The following ABCC1 variants were observed in gnomAD, a reference collection of about 807,000 sequenced individuals.
ABCC1 encodes the protein ATP binding cassette subfamily C member 1 (ABCC1 blood group).
ABCC1 carries 83 observed loss-of-function variants against 172.9 expected under a neutral mutation model. The observed-to-expected ratio is 0.48, with a 90% CI of 0.40 to 0.58. The LOEUF (loss-of-function observed/expected upper bound fraction) is 0.58, where lower values mean the gene tolerates loss of function less well. ABCC1 is among the 20% of genes least tolerant of loss of function. The pLI, the probability that ABCC1 is intolerant of heterozygous loss-of-function variation, is 0.00. For synonymous variants in ABCC1, 937 were observed against 825.2 expected (o/e 1.14, Z -2.32); for missense variants, 1,817 against 2,002.7 (o/e 0.91, Z 1.77).
intron 16 of ABCC1, among the ~76,000 whole-genome samples, chr16:16,080,261 A>G (rs1339011202): frequency 6.6e-6 from 1 of 152,118 alleles, no homozygotes; most frequent in Non-Finnish European, 1.5e-5. Context: ...CTGAGTATCT[A>G]TTCTTATAAA....
chr16:16,091,375 C>T (rs2051248265), intron 19 of ABCC1, among the ~76,000 whole-genome samples: 1 of 138,420 alleles, frequency 7.2e-6, no homozygotes, highest in African/African-American at 2.7e-5. Flanking sequence ...CAAGACCAGC[C>T]TGGCCAACAT....
intron 26 of ABCC1, among the ~76,000 whole-genome samples, chr16:16,126,365 CCTT>C (rs1168526270): frequency 1.3e-5 from 2 of 152,136 alleles, no homozygotes; most frequent in Non-Finnish European, 1.5e-5. Flanking sequence ...TCAGAAATAA[CCTT>C]CTGTTATTTG....
chr16:16,102,726 G>T lies in ABCC1; in HGVS notation c.2735+9G>T. 1 of 1,563,380 alleles carries T rather than the reference G, an allele frequency of 6.4e-7. No homozygotes were observed. On this transcript the variant is annotated intron_variant, in intron 20 of 30. Transcript: ENST00000399410. Reference sequence around the variant, plus strand: ...GGGAAGCAACTGCAGAGGTAAGGGCGGGGAGGAAGGCCCCAACCTAAGGAC... The same window carrying T: ...GGGAAGCAACTGCAGAGGTAAGGGCTGGGAGGAAGGCCCCAACCTAAGGAC...
intron 10 of ABCC1, among the ~76,000 whole-genome samples, chr16:16,051,146 C>CT (rs957325262): frequency 8.9e-5 from 13 of 146,852 alleles, no homozygotes; most frequent in South Asian, 2.2e-4. Context: ...TGGGGGCTGT[C>CT]TTTTTTTTTT....
chr16:16,044,387 C>T, intron 7 of ABCC1, 63 bp from the exon 8 acceptor site: 1 of 1,420,020 alleles, frequency 7.0e-7, no homozygotes, highest in Non-Finnish European at 9.9e-7. Flanking sequence ...CTGGCCATGT[C>T]CCTGTGGTAG....
In ABCC1 at chr16:15,961,170, T is replaced by C. The variant is rs987679012; in HGVS notation, c.48+11371T>C. On this transcript the variant is annotated intron_variant, in intron 1 of 30. Transcript: ENST00000399410. ...TGAATCTCAGGTCTTAAAAATTCAG[T>C]TTATTTTGTTTTATGAGTCTCTTCT... is the stretch of plus-strand genomic sequence containing the variant. Among the ~76,000 whole-genome samples the C allele has an allele frequency of 7.9e-5, 12 of 152,034 alleles. No homozygotes were observed. The East Asian group carries it at 2.3e-3, about 29-fold the overall frequency.
At chr16:16,128,033 G>T (rs1045166250) in intron 26 of ABCC1, among the ~76,000 whole-genome samples, 4 of 143,414 alleles carry the variant, frequency 2.8e-5, no homozygotes, top group Admixed American at 7.3e-5. Flanking sequence ...TGATTCTCCT[G>T]CCTCAGCCTC....
chr16:16,048,085 G>C, intron 9 of ABCC1, 57 bp from the exon 10 acceptor site: 2 of 1,589,788 alleles, frequency 1.3e-6, no homozygotes, highest in Non-Finnish European at 1.7e-6. Flanking sequence ...TCTGGAGGGA[G>C]AGTCAGGCCT....
In ABCC1 at chr16:16,068,314, A is replaced by G. The variant is rs189620044; in HGVS notation, c.1824+12A>G. On this transcript the variant is annotated intron_variant, in intron 13 of 30. Transcript: ENST00000399410. ...GCAGCATCGTGCAGGTACAGGGGGA[A>G]GCTGGGGCGACTTCCGAGAGGGGGC... 5.0e-6 allele frequency: 8 copies of G among 1,613,098 alleles called. No homozygotes were observed. The Admixed American group carries it at 1.3e-4, about 27-fold the overall frequency.
intron 3 of ABCC1, 47 bp downstream of exon 3, chr16:16,009,948 T>C: frequency 6.9e-7 from 1 of 1,446,638 alleles, no homozygotes; most frequent in Non-Finnish European, 9.2e-7. Context: ...CTGGGCTCAG[T>C]GGAGACCAAA....
intron 5 of ABCC1, among the ~76,000 whole-genome samples, chr16:16,031,311 C>G (rs2048551129): frequency 6.6e-6 from 1 of 152,182 alleles, no homozygotes; most frequent in Non-Finnish European, 1.5e-5. Context: ...GGTGACCTCT[C>G]TTCCCTCTGC....
intron 5 of ABCC1, among the ~76,000 whole-genome samples, 174 bp downstream of exon 5, chr16:16,016,795 G>A (rs2048017142): frequency 6.6e-6 from 1 of 152,246 alleles, no homozygotes; most frequent in Non-Finnish European, 1.5e-5. Context: ...AGGCTTAGAT[G>A]TGGCTGGGGG....
intron 27 of ABCC1, among the ~76,000 whole-genome samples, chr16:16,133,808 C>T (rs1489688746): frequency 2.0e-5 from 3 of 152,152 alleles, no homozygotes; most frequent in African/African-American, 7.2e-5. Flanking sequence ...TTCTCAAGAG[C>T]CAGGCAGGAA....
At chr16:15,996,742 C>T (rs2047068293) in intron 1 of ABCC1, among the ~76,000 whole-genome samples, 1 of 152,086 alleles carries the variant, frequency 6.6e-6, no homozygotes, top group South Asian at 2.1e-4. Context: ...AGTTAGTGAG[C>T]TGCCCGGTGC....
chr16:16,059,064 T>C (rs1394423960), intron 12 of ABCC1, among the ~76,000 whole-genome samples: 1 of 151,832 alleles, frequency 6.6e-6, no homozygotes, highest in African/African-American at 2.4e-5. Context: ...CCCTAGGTGC[T>C]GCTGCTTCTG....
intron 1 of ABCC1, among the ~76,000 whole-genome samples, chr16:15,963,552 T>C (rs1317020888): frequency 6.6e-6 from 1 of 152,198 alleles, no homozygotes; most frequent in Non-Finnish European, 1.5e-5. Context: ...CTCTGAAATC[T>C]AGGTGGAGGT....
chr16:16,025,934 G>C (rs1361030493), intron 5 of ABCC1, among the ~76,000 whole-genome samples: 4 of 152,176 alleles, frequency 2.6e-5, no homozygotes. Context: ...GTCTGAGGCT[G>C]GGAAACCCCC....
chr16:16,053,519 G>A (rs2151906861), intron 11 of ABCC1, among the ~76,000 whole-genome samples: 2 of 151,684 alleles, frequency 1.3e-5, no homozygotes, highest in South Asian at 4.2e-4. Flanking sequence ...AATCAAGCCG[G>A]GCTCACCCCT....
At chr16:16,013,910 C>T (rs891772137) in intron 3 of ABCC1, among the ~76,000 whole-genome samples, 7 of 152,014 alleles carry the variant, frequency 4.6e-5, no homozygotes, top group African/African-American at 1.5e-4. Flanking sequence ...ATGGCCGAGG[C>T]AGAGAGCAGG....
Sources: gnomAD v4.1 joint callset for allele counts (sites outside exome capture counted in the v4.1 genomes callset) on GRCh38, gnomAD v4.1.1 for gene constraint, MANE v1.5 for transcripts, NCBI Gene and HGNC (gene_info 2026-07-23, HGNC 2026-07-21) for gene names.